USP13: variants seen among roughly 807,000 people sequenced by gnomAD.
USP13 encodes the protein ubiquitin carboxyl-terminal hydrolase 13.
A neutral mutation model predicts 107.8 loss-of-function variants in USP13; 68 were observed. That is an observed-to-expected ratio of 0.63 (90% CI 0.52 to 0.77). The LOEUF (loss-of-function observed/expected upper bound fraction) is 0.77, where lower values mean the gene tolerates loss of function less well. Ranked by LOEUF, USP13 falls within the 30% of genes least tolerant of loss-of-function variation. The pLI is 0.00. For synonymous variants in USP13, 377 were observed against 389.5 expected, an observed-to-expected ratio of 0.97 and a Z score of 0.38; for missense variants, 945 against 1,093.3, an observed-to-expected ratio of 0.86 and a Z score of 1.91.
intron 10 of USP13, among the ~76,000 whole-genome samples, chr3:179,737,651 C>T (rs149060485): frequency 3.9e-5 from 6 of 152,200 alleles, no homozygotes; most frequent in East Asian, 1.9e-4. Context: ...CAACTGAAGC[C>T]GTGTATGTGT....
At chr3:179,683,406 A>G (rs752046219) in intron 2 of USP13, among the ~76,000 whole-genome samples, 14 of 152,186 alleles carry the variant, frequency 9.2e-5, no homozygotes, top group Non-Finnish European at 2.1e-4. Context: ...GTCTGTTTTC[A>G]GTTGCTGATA....
intron 13 of USP13, among the ~76,000 whole-genome samples, chr3:179,751,657 A>G (rs558091915): frequency 7.4e-4 from 112 of 152,346 alleles, no homozygotes; most frequent in African/African-American, 2.6e-3. Flanking sequence ...AAATGGTTGA[A>G]AAGCACTTTT....
chr3:179,712,451 T>C (rs1446384658), intron 6 of USP13, among the ~76,000 whole-genome samples: 1 of 152,086 alleles, frequency 6.6e-6, no homozygotes, highest in East Asian at 1.9e-4. Flanking sequence ...TCTCTTTTTT[T>C]TAAAGGGTTA....
intron 3 of USP13, among the ~76,000 whole-genome samples, chr3:179,697,124 C>T (rs1028707545): frequency 6.6e-6 from 1 of 152,018 alleles, no homozygotes; most frequent in Non-Finnish European, 1.5e-5. Flanking sequence ...ACTTAAATTC[C>T]ACTTTTTTTT....
chr3:179,685,239 T>C (rs1029348790), intron 2 of USP13, among the ~76,000 whole-genome samples: 1 of 152,052 alleles, frequency 6.6e-6, no homozygotes, highest in African/African-American at 2.4e-5. Flanking sequence ...CATTAACTGG[T>C]TATTGATGGT....
chr3:179,745,666 C>T (rs759209877), intron 13 of USP13, among the ~76,000 whole-genome samples: 14 of 151,918 alleles, frequency 9.2e-5, no homozygotes, highest in Non-Finnish European at 2.1e-4. Flanking sequence ...GAAGAAATTA[C>T]AAAAATGCTG....
intron 16 of USP13, among the ~76,000 whole-genome samples, chr3:179,757,749 C>G (rs1471974806): frequency 6.6e-6 from 1 of 152,186 alleles, no homozygotes; most frequent in Non-Finnish European, 1.5e-5. Flanking sequence ...GAATCTGAAT[C>G]TTACACATTG....
At chr3:179,680,159 T>G (rs1711595962) in intron 1 of USP13, among the ~76,000 whole-genome samples, 1 of 142,850 alleles carries the variant, frequency 7.0e-6, no homozygotes, top group African/African-American at 2.6e-5. Context: ...GGGAACAGAG[T>G]GAGACGCTGT....
intron 6 of USP13, among the ~76,000 whole-genome samples, chr3:179,716,039 C>T (rs960648269): frequency 2.0e-5 from 3 of 151,534 alleles, no homozygotes; most frequent in Non-Finnish European, 4.4e-5. Flanking sequence ...TTTCTCCTGC[C>T]TCAGCCTCCC....
Position 179,736,101 on chromosome 3 carries a change from T to C in USP13, c.1255-4146T>C, listed in dbSNP as rs1713986879. 2.0e-5 allele frequency among the ~76,000 whole-genome samples: 3 copies of C among 152,328 alleles called. No individual in the cohort carries two copies. The South Asian group carries it at 6.2e-4, about 32-fold the overall frequency. On this transcript the variant is annotated intron_variant, in intron 10 of 20. Coordinates refer to ENST00000263966, the MANE Select transcript of USP13 (RefSeq NM_003940.3). ...CAAAATTAACAACCATCCCTTAGTATCACGAATACCTAGTCCATCTTCTGA... is the reference window on the plus strand; with the variant it reads ...CAAAATTAACAACCATCCCTTAGTACCACGAATACCTAGTCCATCTTCTGA...
rs145814111 is a variant in USP13, at chr3:179,724,315, G to A, written c.1088+2726G>A. ...TGTACTAAAAATACACAAATTAGCC[G>A]GGCATGGTGGTGTGTGCCTATAATC... is the stretch of plus-strand genomic sequence containing the variant. On this transcript the variant is annotated intron_variant, in intron 8 of 20. Coordinates refer to ENST00000263966, the MANE Select transcript of USP13 (RefSeq NM_003940.3). Among the ~76,000 whole-genome samples, 1,510 of 151,770 alleles carry A rather than the reference G, an allele frequency of 9.9e-3. 29 individuals carry two copies. Among genetic ancestry groups the A allele is most frequent in the African/African-American group, 0.035 (1,434 of 41,320 alleles).
intron 6 of USP13, among the ~76,000 whole-genome samples, chr3:179,719,083 T>C (rs1713212763): frequency 6.6e-6 from 1 of 152,126 alleles, no homozygotes; most frequent in Non-Finnish European, 1.5e-5. Context: ...CACCCCACTT[T>C]GAGAAGCCAG....
intron 8 of USP13, among the ~76,000 whole-genome samples, chr3:179,729,467 TC>T (rs1232014963): frequency 1.3e-5 from 2 of 152,082 alleles, no homozygotes; most frequent in African/African-American, 4.8e-5. Flanking sequence ...TGTACTGTTG[TC>T]TTTATTTATT....
chr3:179,703,599 A>G (rs553514708), intron 4 of USP13, among the ~76,000 whole-genome samples: 3 of 152,086 alleles, frequency 2.0e-5, no homozygotes, highest in South Asian at 2.1e-4. Context: ...CTCCCTAGGG[A>G]AAAAAAGCTC....
At chr3:179,698,696 C>T (rs1489331409) in intron 3 of USP13, among the ~76,000 whole-genome samples, 16 of 151,830 alleles carry the variant, frequency 1.1e-4, no homozygotes, top group Admixed American at 1.1e-3. Flanking sequence ...AAAGTTCACT[C>T]ACTCTATTTC....
intron 2 of USP13, among the ~76,000 whole-genome samples, chr3:179,689,156 G>T (rs1018581527): frequency 1.3e-5 from 2 of 152,188 alleles, no homozygotes; most frequent in African/African-American, 4.8e-5. Context: ...GAATGATGCG[G>T]CGTTAAACCC....
chr3:179,657,462 A>C (rs1446820947), intron 1 of USP13, among the ~76,000 whole-genome samples: 1 of 151,996 alleles, frequency 6.6e-6, no homozygotes, highest in Non-Finnish European at 1.5e-5. Context: ...AGAAAGAAGA[A>C]AGAAAAATAG....
chr3:179,675,752 T>C (rs1720876324), intron 1 of USP13, among the ~76,000 whole-genome samples: 1 of 152,102 alleles, frequency 6.6e-6, no homozygotes, highest in African/African-American at 2.4e-5. Context: ...TTCACCATGT[T>C]GTCCAGGCTG....
chr3:179,661,119 G>A (rs1720445004), intron 1 of USP13, among the ~76,000 whole-genome samples: 4 of 152,172 alleles, frequency 2.6e-5, no homozygotes, highest in South Asian at 2.1e-4. Flanking sequence ...ATGAGAGAAT[G>A]AGAGAGAGAA....
Sources: gnomAD v4.1 joint callset for allele counts (sites outside exome capture counted in the v4.1 genomes callset) on GRCh38, gnomAD v4.1.1 for gene constraint, MANE v1.5 for transcripts, NCBI Gene and HGNC (gene_info 2026-07-23, HGNC 2026-07-21) for gene names.